The following CNBD1 variants were observed in gnomAD, a reference collection of about 807,000 sequenced individuals.
CNBD1 encodes cyclic nucleotide-binding domain-containing protein 1.
In CNBD1, 71 loss-of-function variants were observed where a neutral mutation model predicts 54.4. The observed-to-expected ratio is 1.30, with a 90% confidence interval of 1.08 to 1.59. The LOEUF is 1.59. CNBD1 is among the 40% of genes most tolerant of loss of function. The probability of loss-of-function intolerance (pLI) is 0.00; values close to 1 mark genes in which losing one functional copy is unlikely to be tolerated. For missense variants in CNBD1, 659 were observed against 518.0 expected (o/e 1.27, Z -2.64); for synonymous variants, 182 against 170.7 (o/e 1.07, Z -0.51).
intron 4 of CNBD1, among the ~76,000 whole-genome samples, chr8:87,033,993 CA>C (rs974185896): frequency 2.6e-5 from 4 of 151,692 alleles, no homozygotes; most frequent in Middle Eastern, 3.4e-3. Context: ...CCTGCATCCA[CA>C]AAAAAAAGCT....
chr8:87,278,640 T>G (rs1370379993), intron 6 of CNBD1, among the ~76,000 whole-genome samples: 1 of 151,560 alleles, frequency 6.6e-6, no homozygotes, highest in Non-Finnish European at 1.5e-5. Flanking sequence ...CAAGCAAAGT[T>G]ACAGTAAAAG....
chr8:87,136,603 A>G (rs1812233927), intron 4 of CNBD1, among the ~76,000 whole-genome samples: 1 of 55,960 alleles, frequency 1.8e-5, no homozygotes, highest in Non-Finnish European at 3.1e-5. Context: ...TATTATATTT[A>G]TATTATATAT....
intron 6 of CNBD1, among the ~76,000 whole-genome samples, chr8:87,278,667 A>G (rs886330861): frequency 3.3e-5 from 5 of 151,592 alleles, no homozygotes; most frequent in African/African-American, 1.2e-4. Context: ...CAAGGAGACA[A>G]ACTTTGGCAG....
rs190972614 is a variant in CNBD1, at chr8:87,232,729, G to A, written c.578-4190G>A. Among the ~76,000 whole-genome samples, 8 of 152,168 alleles carry A rather than the reference G, an allele frequency of 5.3e-5. No homozygotes were observed. In the East Asian group the frequency reaches 1.4e-3, roughly 26 times the overall value. On this transcript the variant is annotated intron_variant, in intron 5 of 10. Transcript: ENST00000518476. ...TTCAGGGACTTCTTTACATTAAAAT[G>A]CAAATATACTGTATCCCAAACCAAC...
At chr8:87,215,709 G>A (rs1814195543) in intron 5 of CNBD1, among the ~76,000 whole-genome samples, 1 of 152,050 alleles carries the variant, frequency 6.6e-6, no homozygotes, top group African/African-American at 2.4e-5. Flanking sequence ...ATTTTAAAAG[G>A]GTGAATTTCA....
At chr8:87,397,324 T>A (rs1416243211) in intron 2 of CNBD1, among the ~76,000 whole-genome samples, 1 of 151,942 alleles carries the variant, frequency 6.6e-6, no homozygotes, top group African/African-American at 2.4e-5. Flanking sequence ...ACTTTCCTAG[T>A]TAGTGTGCTT....
intron 8 of CNBD1, among the ~76,000 whole-genome samples, chr8:87,289,061 G>C (rs1289761442): frequency 1.3e-5 from 2 of 152,058 alleles, no homozygotes; most frequent in Non-Finnish European, 2.9e-5. Context: ...TTTTATCAGA[G>C]AATGTAGAGA....
chr8:87,247,053 C>T (rs986129572), intron 6 of CNBD1, among the ~76,000 whole-genome samples: 7 of 152,074 alleles, frequency 4.6e-5, no homozygotes, highest in Non-Finnish European at 7.4e-5. Context: ...GAAAACTCTG[C>T]TTCACAAAGG....
At chr8:87,257,587 G>A (rs1808047987) in intron 6 of CNBD1, among the ~76,000 whole-genome samples, 1 of 152,054 alleles carries the variant, frequency 6.6e-6, no homozygotes, top group African/African-American at 2.4e-5. Context: ...ATGGAATGCA[G>A]AACCTTTAAT....
intron 8 of CNBD1, among the ~76,000 whole-genome samples, chr8:87,343,106 T>C (rs1203486977): frequency 6.6e-6 from 1 of 152,186 alleles, no homozygotes; most frequent in African/African-American, 2.4e-5. Context: ...GCGATATTTC[T>C]CCTACTTGCT....
At chr8:87,149,194 A>T (rs1489042422) in intron 4 of CNBD1, among the ~76,000 whole-genome samples, 1 of 152,156 alleles carries the variant, frequency 6.6e-6, no homozygotes, top group African/African-American at 2.4e-5. Flanking sequence ...GTGTGTATTG[A>T]TGGTGATCAC....
chr8:87,057,664 C>A (rs181281805), intron 4 of CNBD1, among the ~76,000 whole-genome samples: 1 of 152,142 alleles, frequency 6.6e-6, no homozygotes, highest in African/African-American at 2.4e-5. Flanking sequence ...GCATGGCCAA[C>A]ATGGTGAAAC....
chr8:87,367,112 C>G (rs1810656771), intron 10 of CNBD1, among the ~76,000 whole-genome samples: 1 of 151,982 alleles, frequency 6.6e-6, no homozygotes, highest in Non-Finnish European at 1.5e-5. Context: ...CTGTCTTTTA[C>G]ACATGAGATT....
chr8:87,198,356 A>AT (rs1381853883), intron 4 of CNBD1, among the ~76,000 whole-genome samples: 1 of 152,160 alleles, frequency 6.6e-6, no homozygotes, highest in African/African-American at 2.4e-5. Flanking sequence ...CGTTGTTGTT[A>AT]TTTGACCCTG....
chr8:87,358,025 A>G (rs1563568007), intron 10 of CNBD1, among the ~76,000 whole-genome samples: 1 of 152,124 alleles, frequency 6.6e-6, no homozygotes, highest in Non-Finnish European at 1.5e-5. Flanking sequence ...CTCTCTCTCC[A>G]TGTGACATGC....
intron 4 of CNBD1, among the ~76,000 whole-genome samples, chr8:87,029,422 C>A (rs1364270911): frequency 1.3e-5 from 2 of 152,060 alleles, no homozygotes; most frequent in Admixed American, 6.6e-5. Flanking sequence ...CAAACTTATT[C>A]CAATTTTTGG....
chr8:87,159,602 T>C (rs1247485637), intron 4 of CNBD1, among the ~76,000 whole-genome samples: 2 of 152,078 alleles, frequency 1.3e-5, no homozygotes, highest in Non-Finnish European at 2.9e-5. Flanking sequence ...GTAGTGATGC[T>C]GGATGACCAG....
intron 8 of CNBD1, among the ~76,000 whole-genome samples, chr8:87,320,618 G>A (rs1175783116): frequency 1.6e-5 from 2 of 123,652 alleles, no homozygotes; most frequent in East Asian, 4.4e-4. Flanking sequence ...ACGTGTGTGT[G>A]TGGGGGGGCG....
rs1809385813 is a variant in CNBD1, at chr8:86,927,669, G to T, written c.273-11927G>T. 2.0e-5 allele frequency among the ~76,000 whole-genome samples: 3 copies of T among 152,256 alleles called. No individual in the cohort carries two copies. The South Asian group carries it at 6.2e-4, about 32-fold the overall frequency. ...AGGAGCTACAGTATATAGTCCTACT[G>T]CAAAGAGTATGGTTAGTATACTGCT... is the stretch of plus-strand genomic sequence containing the variant. On this transcript the variant is annotated intron_variant, in intron 3 of 10. Coordinates refer to ENST00000518476, the MANE Select transcript of CNBD1 (RefSeq NM_173538.3).
Sources: gnomAD v4.1 joint callset for allele counts (sites outside exome capture counted in the v4.1 genomes callset) on GRCh38, gnomAD v4.1.1 for gene constraint, MANE v1.5 for transcripts, NCBI Gene and HGNC (gene_info 2026-07-23, HGNC 2026-07-21) for gene names.